Variants in DCUN1D4 observed in about 807,000 individuals in gnomAD.
DCUN1D4 encodes DCN1-like protein 4.
DCUN1D4 carries 22 observed loss-of-function variants against 47.9 expected under a neutral mutation model. The ratio of observed to expected loss-of-function variants is 0.46; its 90% CI spans 0.33 to 0.66. DCUN1D4 has a LOEUF of 0.66. Ranked by LOEUF, DCUN1D4 falls within the 30% of genes least tolerant of loss-of-function variation. The probability of loss-of-function intolerance (pLI) is 0.02; values close to 1 mark genes in which losing one functional copy is unlikely to be tolerated. For synonymous variants in DCUN1D4, 121 were observed against 112.2 expected (o/e 1.08, Z -0.50); for missense variants, 301 against 340.8 (o/e 0.88, Z 0.92).
In DCUN1D4 at chr4:51,913,779, C is replaced by G; in HGVS notation, c.*195C>G. The G allele has an allele frequency of 1.9e-6, 1 of 538,382 alleles. No homozygotes were observed. Among genetic ancestry groups the G allele is most frequent in the Non-Finnish European group, 3.3e-6 (1 of 306,538 alleles). The allele number at this position is 538,382 out of a possible 1,614,324, so 33.4% of individuals were successfully genotyped here. ...ATTGTTCTCTTGGAAGGCTGCTTTG[C>G]AGTTTGTATTTACACTACAGATTGG... On this transcript the variant is annotated 3_prime_UTR_variant, in exon 11 of 11. Coordinates refer to ENST00000334635, the MANE Select transcript of DCUN1D4 (RefSeq NM_001040402.3).
chr4:51,899,360 T>G lies in DCUN1D4; in HGVS notation c.597T>G (p.Tyr199Ter). The change falls in exon 8 of 11, where the codon TAT (tyrosine) becomes TAG (stop). Residue 199 changes from tyrosine to a stop codon, truncating the protein, a stop_gained. Coordinates refer to ENST00000334635, the MANE Select transcript of DCUN1D4 (RefSeq NM_001040402.3). LOFTEE classifies it high-confidence loss of function. ...DSTNFKLIYR[Y>*]AFDFAREKDQ... ...CAAACTTTAAACTTATTTACAGATATGCGTTTGACTTTGCACGGGTGAGTT... is the reference window on the plus strand; with the variant it reads ...CAAACTTTAAACTTATTTACAGATAGGCGTTTGACTTTGCACGGGTGAGTT... 1 of 1,607,652 alleles carries G rather than the reference T, an allele frequency of 6.2e-7. No individual in the cohort carries two copies. Among genetic ancestry groups the G allele is most frequent in the Non-Finnish European group, 8.5e-7 (1 of 1,177,140 alleles).
chr4:51,848,333 G>A (rs955209641), intron 1 of DCUN1D4: 44 of 1,285,300 alleles, frequency 3.4e-5, no homozygotes, highest in East Asian at 1.1e-4. Context: ...TCGTGTCAGC[G>A]TCCTACCTGC....
At position 51,844,848 on chromosome 4, in the gene DCUN1D4, C is replaced by T. The variant is rs564940935; in HGVS notation, c.25+1581C>T. Reference sequence around the variant, plus strand: ...CACGTGGGTAACTGTGGAAACGGGTCCCGGCATGCAGCGCGCCCTTGGAGC... The same window carrying T: ...CACGTGGGTAACTGTGGAAACGGGTTCCGGCATGCAGCGCGCCCTTGGAGC... On this transcript the variant is annotated intron_variant, in intron 1 of 10. Coordinates refer to ENST00000334635, the MANE Select transcript of DCUN1D4 (RefSeq NM_001040402.3). 3.3e-4 allele frequency: 329 copies of T among 985,276 alleles called. 2 individuals are homozygous for T. The African/African-American group carries it at 5.5e-3, about 17-fold the overall frequency. 61.0% of individuals were successfully genotyped at this position (985,276 alleles called of 1,614,324 possible).
rs61794807 is a variant in DCUN1D4, at chr4:51,913,405, G to A, written c.823+13G>A. ...GAAGATGGAGCATGTAAGTACTGCC[G>A]CTACCATTCTGCCATTCGTGTACAT... On this transcript the variant is annotated intron_variant, in intron 10 of 10. Coordinates refer to ENST00000334635, the MANE Select transcript of DCUN1D4 (RefSeq NM_001040402.3). 7.4e-3 allele frequency: 11,869 copies of A among 1,600,266 alleles called. 80 individuals carry two copies. The highest frequency in any genetic ancestry group is 0.022 in the Middle Eastern group (131 of 6,028).
intron 6 of DCUN1D4, among the ~76,000 whole-genome samples, chr4:51,887,608 C>T (rs971575031): frequency 2.6e-5 from 4 of 152,166 alleles, no homozygotes; most frequent in African/African-American, 9.7e-5. Context: ...TACATTAGCT[C>T]CAGTTTAATA....
chr4:51,901,964 G>A (rs971564065), intron 8 of DCUN1D4, among the ~76,000 whole-genome samples: 6 of 152,002 alleles, frequency 3.9e-5, no homozygotes, highest in Non-Finnish European at 8.8e-5. Flanking sequence ...TTGTTGAGCT[G>A]TATCTTCACA....
intron 5 of DCUN1D4, among the ~76,000 whole-genome samples, chr4:51,885,671 T>G (rs1729368520): frequency 6.6e-6 from 1 of 152,050 alleles, no homozygotes; most frequent in African/African-American, 2.4e-5. Context: ...TTGAGTATGG[T>G]TAAAATTTCC....
intron 1 of DCUN1D4, among the ~76,000 whole-genome samples, chr4:51,856,821 G>A (rs1724215022): frequency 6.6e-6 from 1 of 152,182 alleles, no homozygotes; most frequent in African/African-American, 2.4e-5. Flanking sequence ...CCCTGTGTAA[G>A]GTGAAGATCA....
intron 5 of DCUN1D4, 47 bp downstream of exon 5, chr4:51,877,901 G>C: frequency 1.5e-6 from 2 of 1,317,766 alleles, no homozygotes; most frequent in South Asian, 2.6e-5. Flanking sequence ...ATGACAATAA[G>C]GAGTACCTTA....
chr4:51,885,298 G>C (rs937886678), intron 5 of DCUN1D4, among the ~76,000 whole-genome samples: 2 of 152,082 alleles, frequency 1.3e-5, no homozygotes, highest in Non-Finnish European at 2.9e-5. Flanking sequence ...GAAAGAGCAT[G>C]GTGCAGGAGA....
At chr4:51,848,390 G>A in intron 1 of DCUN1D4, 1 of 1,123,460 alleles carries the variant, frequency 8.9e-7, no homozygotes, top group South Asian at 2.1e-5. Flanking sequence ...GGGGCCTAGA[G>A]TGTTTGTCCT....
At chr4:51,884,733 C>A (rs1729198634) in intron 5 of DCUN1D4, among the ~76,000 whole-genome samples, 1 of 152,142 alleles carries the variant, frequency 6.6e-6, no homozygotes. Context: ...AGAACCATTC[C>A]TAGCATTGCG....
At chr4:51,855,695 G>T (rs1325273094) in intron 1 of DCUN1D4, among the ~76,000 whole-genome samples, 1 of 152,192 alleles carries the variant, frequency 6.6e-6, no homozygotes, top group Non-Finnish European at 1.5e-5. Context: ...GTAGAGCCTT[G>T]TGAGGACTAG....
chr4:51,899,715 G>A (rs144605662), intron 8 of DCUN1D4, among the ~76,000 whole-genome samples: 17 of 152,268 alleles, frequency 1.1e-4, no homozygotes, highest in African/African-American at 4.1e-4. Context: ...ACCTTCTCCT[G>A]TTGAGTTTAC....
At chr4:51,892,639 A>C (rs564935981) in intron 7 of DCUN1D4, among the ~76,000 whole-genome samples, 3 of 152,228 alleles carry the variant, frequency 2.0e-5, no homozygotes, top group Non-Finnish European at 4.4e-5. Context: ...CAGTGGTTTT[A>C]TGTATTTGCC....
In DCUN1D4 at chr4:51,843,223, C is replaced by T. The variant is rs948036964; in HGVS notation, c.-20C>T. 3.9e-6 allele frequency: 6 copies of T among 1,539,670 alleles called. No homozygotes were observed. Among genetic ancestry groups the T allele is most frequent in the Admixed American group, 4.0e-5 (2 of 50,060 alleles). ...GAGCGCGGGAGCCTGGGCGGCGAGC[C>T]GGGTGTGAGCTGCCTGAAAATGCAC... On this transcript the variant is annotated 5_prime_UTR_variant, in exon 1 of 11. Transcript: ENST00000334635.
chr4:51,840,988 T>G (rs1441003042), upstream of DCUN1D4, among the ~76,000 whole-genome samples: 2 of 152,174 alleles, frequency 1.3e-5, no homozygotes, highest in Admixed American at 1.3e-4. Flanking sequence ...AGGTTGTACA[T>G]TCTATAAATT....
chr4:51,870,697 C>T (rs902767816), intron 3 of DCUN1D4, among the ~76,000 whole-genome samples: 2 of 152,164 alleles, frequency 1.3e-5, no homozygotes, highest in African/African-American at 2.4e-5. Flanking sequence ...TGCCTTTGCA[C>T]GTGCACTTGA....
chr4:51,863,645 G>A (rs371381672), intron 2 of DCUN1D4, 25 bp from the exon 3 acceptor site: 92 of 1,610,670 alleles, frequency 5.7e-5, no homozygotes, highest in African/African-American at 3.3e-4. Context: ...TGATTTCTTC[G>A]TAATAACGAA....
Sources: allele counts gnomAD v4.1 joint callset (sites outside exome capture counted in the v4.1 genomes callset), GRCh38; gene constraint gnomAD v4.1.1; transcripts MANE v1.5; gene names NCBI Gene and HGNC (gene_info 2026-07-23, HGNC 2026-07-21).